The following TRAPPC12 variants were observed in gnomAD, a reference collection of about 807,000 sequenced individuals.
The protein encoded by TRAPPC12 is trafficking protein particle complex subunit 12, also known as TPR repeat protein 15.
In TRAPPC12, 61 loss-of-function variants were observed where a neutral mutation model predicts 69.2. That is an observed-to-expected ratio of 0.88 (90% CI 0.72 to 1.09). The LOEUF is 1.09. TRAPPC12 is among the 50% of genes least tolerant of loss of function. TRAPPC12 has a pLI of 0.00. For synonymous variants in TRAPPC12, 469 were observed against 438.9 expected (o/e 1.07, Z -0.86); for missense variants, 1,101 against 1,016.4 (o/e 1.08, Z -1.13).
intron 7 of TRAPPC12, 129 bp from the exon 8 acceptor site, chr2:3,460,134 G>T (rs1665404782): frequency 1.3e-6 from 1 of 753,576 alleles, no homozygotes; most frequent in Non-Finnish European, 2.4e-6. Context: ...AGCATTCCAG[G>T]CCGAAATCCA....
At chr2:3,432,649 T>C (rs774408651) in intron 5 of TRAPPC12, among the ~76,000 whole-genome samples, 2 of 152,272 alleles carry the variant, frequency 1.3e-5, no homozygotes, top group African/African-American at 2.4e-5. Context: ...ATGTGATCGC[T>C]GCTTTATTTG....
intron 6 of TRAPPC12, among the ~76,000 whole-genome samples, chr2:3,452,937 G>C (rs1664928354): frequency 6.6e-6 from 1 of 152,146 alleles, no homozygotes; most frequent in Non-Finnish European, 1.5e-5. Context: ...CATTCTCATT[G>C]GAGTTCCATG....
intron 6 of TRAPPC12, among the ~76,000 whole-genome samples, chr2:3,444,528 A>G (rs1664405843): frequency 6.6e-6 from 1 of 152,246 alleles, no homozygotes; most frequent in Non-Finnish European, 1.5e-5. Flanking sequence ...ATTAGGAATG[A>G]TCCTGCCTTT....
Position 3,388,449 on chromosome 2 carries a change from T to C in TRAPPC12, c.826T>C (p.Ser276Pro), listed in dbSNP as rs1233162404. ...RGPQAAAPPASPEPFAHIQAV... is the reference protein window; with the variant it reads ...RGPQAAAPPAPPEPFAHIQAV... ...GCCCCAGGCAGCTGCGCCCCCGGCG[T>C]CGCCAGAGCCTTTCGCGCACATCCA... is the stretch of plus-strand genomic sequence containing the variant. Residue 276 changes from serine to proline, a missense_variant, in exon 2 of 12, where the codon TCG (serine) becomes CCG (proline). Coordinates refer to ENST00000324266, the MANE Select transcript of TRAPPC12 (RefSeq NM_016030.6). 1 of 1,610,116 alleles carries C rather than the reference T, an allele frequency of 6.2e-7. No individual in the cohort carries two copies. The highest frequency in any genetic ancestry group is 2.2e-5 in the East Asian group (1 of 44,740).
chr2:3,385,445 T>C (rs1170073404), intron 1 of TRAPPC12, among the ~76,000 whole-genome samples: 1 of 152,214 alleles, frequency 6.6e-6, no homozygotes, highest in Non-Finnish European at 1.5e-5. Flanking sequence ...GTTTTTAAGC[T>C]TTATAATTTA....
At chr2:3,464,369 G>T (rs1558404515) in intron 8 of TRAPPC12, among the ~76,000 whole-genome samples, 2 of 151,976 alleles carry the variant, frequency 1.3e-5, no homozygotes, top group East Asian at 1.9e-4. Context: ...GTCGTTTTGG[G>T]TTTTTTTTGT....
intron 1 of TRAPPC12, among the ~76,000 whole-genome samples, chr2:3,385,014 A>G (rs1660429877): frequency 6.6e-6 from 1 of 152,194 alleles, no homozygotes; most frequent in Non-Finnish European, 1.5e-5. Context: ...GATTAGAGTA[A>G]GGAAACCCTT....
intron 8 of TRAPPC12, chr2:3,462,828 G>GA: frequency 2.2e-6 from 1 of 446,878 alleles, no homozygotes; most frequent in South Asian, 1.6e-5. Context: ...GTGCCCCTGG[G>GA]AGGCCACTTC....
chr2:3,382,506 A>G (rs1181057333), intron 1 of TRAPPC12, among the ~76,000 whole-genome samples: 1 of 152,212 alleles, frequency 6.6e-6, no homozygotes, highest in Non-Finnish European at 1.5e-5. Context: ...CATAGCTTAC[A>G]CTGCTCATGT....
At chr2:3,409,750 TAAAAAAAA>T (rs71396989) in intron 3 of TRAPPC12, among the ~76,000 whole-genome samples, 963 of 54,906 alleles carry the variant, frequency 0.018, 12 homozygotes, top group African/African-American at 0.03. Flanking sequence ...ACTTTGTCTT[TAAAAAAAA>T]AAAAAAAAAA....
At chr2:3,393,701 AAAAG>A (rs1660959310) in intron 2 of TRAPPC12, among the ~76,000 whole-genome samples, 1 of 134,108 alleles carries the variant, frequency 7.5e-6, no homozygotes, top group East Asian at 1.9e-4. Context: ...AAAAAAAAAA[AAAAG>A]AACTGGAAAT....
At chr2:3,458,150 G>A in intron 7 of TRAPPC12, 1 of 1,012,632 alleles carries the variant, frequency 9.9e-7, no homozygotes, top group Non-Finnish European at 1.2e-6. Flanking sequence ...CAGGCTGAGG[G>A]ACCTGGGCAG....
intron 1 of TRAPPC12, among the ~76,000 whole-genome samples, chr2:3,387,336 G>A (rs6710271): frequency 0.052 from 7,982 of 152,210 alleles, 726 homozygotes; most frequent in African/African-American, 0.18. Flanking sequence ...GATGCTCTAG[G>A]CGGGGGAGAT....
At chr2:3,395,516 C>G (rs559779998) in intron 2 of TRAPPC12, among the ~76,000 whole-genome samples, 2 of 148,260 alleles carry the variant, frequency 1.3e-5, no homozygotes, top group East Asian at 3.9e-4. Context: ...TGCAGGTATA[C>G]TAGCTACAGA....
rs1353208099 is a variant in TRAPPC12 at position 3,479,432 on chromosome 2, T to C, written c.2179T>C (p.Phe727Leu). The C allele has an allele frequency of 1.2e-6, 2 of 1,614,016 alleles. No homozygotes were observed. Among genetic ancestry groups the C allele is most frequent in the East Asian group, 2.2e-5 (1 of 44,876 alleles). Residue 727 changes from phenylalanine to leucine, a missense_variant, in exon 12 of 12, where the codon TTC becomes CTC. Phe to Leu is a conservative substitution (Grantham distance 22). Transcript: ENST00000324266. ...EAVAGKEGDS[F>L]NTQCLKLA Reference sequence around the variant, plus strand: ...TGTCGCCGGCAAGGAGGGGGACAGCTTCAACACACAGTGCCTCAAGCTGGC... The same window carrying C: ...TGTCGCCGGCAAGGAGGGGGACAGCCTCAACACACAGTGCCTCAAGCTGGC...
chr2:3,430,528 T>C (rs901461610), intron 5 of TRAPPC12, among the ~76,000 whole-genome samples: 1 of 152,272 alleles, frequency 6.6e-6, no homozygotes, highest in African/African-American at 2.4e-5. Context: ...GGGTTATCTT[T>C]GTTATTAATT....
At chr2:3,459,829 C>T (rs1665388029) in intron 7 of TRAPPC12, 1 of 292,244 alleles carries the variant, frequency 3.4e-6, no homozygotes, top group African/African-American at 2.3e-5. Flanking sequence ...GGGTGGGGCC[C>T]TCCGGGTGGC....
chr2:3,382,220 C>T lies in TRAPPC12; in HGVS notation c.-5+2344C>T, dbSNP rs1444640870. On this transcript the variant is annotated intron_variant, in intron 1 of 11. Transcript: ENST00000324266. ...CACGATCTTGGCTCACTGCAACCTC[C>T]GCCTCCTGGGTTCAAGTGATTCTGC... Among the ~76,000 whole-genome samples the T allele has an allele frequency of 2.8e-4, 43 of 151,162 alleles. 1 individual carries two copies. Among genetic ancestry groups the T allele is most frequent in the Admixed American group, 2.4e-3 (37 of 15,178 alleles).
intron 3 of TRAPPC12, among the ~76,000 whole-genome samples, chr2:3,418,705 G>A (rs952828069): frequency 6.6e-6 from 1 of 152,150 alleles, no homozygotes; most frequent in Non-Finnish European, 1.5e-5. Context: ...GGCGTCCAAA[G>A]GATGTGCACA....
Sources: gnomAD v4.1 joint callset for allele counts (sites outside exome capture counted in the v4.1 genomes callset) on GRCh38, gnomAD v4.1.1 for gene constraint, MANE v1.5 for transcripts, NCBI Gene and HGNC (gene_info 2026-07-23, HGNC 2026-07-21) for gene names.